CCDC175: variants seen among roughly 807,000 people sequenced by gnomAD.
The protein encoded by CCDC175 is coiled-coil domain-containing protein 175.
In CCDC175, 100 loss-of-function variants were observed where a neutral mutation model predicts 114.6. The observed-to-expected ratio is 0.87, with a 90% CI of 0.74 to 1.03. The LOEUF is 1.03. Ranked by LOEUF, CCDC175 falls within the 50% of genes least tolerant of loss-of-function variation. The pLI, the probability that CCDC175 is intolerant of heterozygous loss-of-function variation, is 0.00. For missense variants in CCDC175, 880 were observed against 917.8 expected (o/e 0.96, Z 0.53); for synonymous variants, 306 against 308.7 (o/e 0.99, Z 0.09).
chr14:59,544,509 TG>T (rs1894985336), intron 9 of CCDC175, among the ~76,000 whole-genome samples: 1 of 152,184 alleles, frequency 6.6e-6, no homozygotes, highest in African/African-American at 2.4e-5. Flanking sequence ...TCCAAACTGC[TG>T]TGGACTGAAT....
chr14:59,576,750 C>T lies in CCDC175; in HGVS notation c.26G>A (p.Gly9Glu), dbSNP rs561898522. The stretch of plus-strand genomic sequence containing the variant: ...CACCAGCTTCTCGCCAGCGCCCAGC[C>T]CTGGGGTCCAGGGGCTCAGGGCCAT... MALSPWTP[G>E]LGAGEKLVQA... Residue 9 changes from glycine to glutamate, a missense_variant, in exon 1 of 20, where the codon GGG (glycine) becomes GAG (glutamate). Coordinates refer to ENST00000537690, the MANE Select transcript of CCDC175 (RefSeq NM_001164399.2). The T allele has an allele frequency of 1.1e-5, 16 of 1,470,220 alleles. No individual in the cohort carries two copies. Among genetic ancestry groups the T allele is most frequent in the South Asian group, 5.3e-5 (4 of 75,308 alleles). 91.1% of individuals were successfully genotyped at this position (1,470,220 alleles called of 1,614,324 possible).
Position 59,545,288 on chromosome 14 carries a change from T to G in CCDC175, c.1047A>C (p.Thr349=). The change falls in exon 9 of 20, where the codon ACA becomes ACC. Residue 349 remains threonine, a synonymous_variant. Coordinates refer to ENST00000537690, the MANE Select transcript of CCDC175 (RefSeq NM_001164399.2). ...TGTATTCCATACGAGCAGCATGCAG[T>G]GTTTCAACCAGCTAGAGAAAAACAA... ...FLNKIKQLVE[T]LHAARMEYKD... is the part of the protein sequence containing the mutation. 1 of 1,536,612 alleles carries G rather than the reference T, an allele frequency of 6.5e-7. No individual in the cohort carries two copies. Among genetic ancestry groups the G allele is most frequent in the Non-Finnish European group, 8.7e-7 (1 of 1,146,646 alleles).
rs1893433451 is a variant in CCDC175 at position 59,521,608 on chromosome 14, T to C, written c.2064A>G (p.Ser688=). The C allele has an allele frequency of 6.5e-7, 1 of 1,534,268 alleles. No individual in the cohort carries two copies. The highest frequency in any genetic ancestry group is 2.0e-5 in the Admixed American group (1 of 50,972). Residue 688 remains serine, a synonymous_variant, in exon 17 of 20, where the codon TCA becomes TCG. Coordinates refer to ENST00000537690, the MANE Select transcript of CCDC175 (RefSeq NM_001164399.2). ...REGQEALMHT[S]SDLSRQLIAQ... ...CTATTAGTTGCCGAGACAAGTCGCT[T>C]GAGGTGTGCATGAGGGCTTCTTGTC...
At chr14:59,553,451 G>A (rs376498181) in intron 7 of CCDC175, among the ~76,000 whole-genome samples, 1 of 152,196 alleles carries the variant, frequency 6.6e-6, no homozygotes, top group East Asian at 1.9e-4. Flanking sequence ...CCCTACAAGA[G>A]CTCTTGAAGG....
rs771535932 is a variant in CCDC175 at position 59,568,249 on chromosome 14, G to C, written c.487C>G (p.Leu163Val). The C allele has an allele frequency of 1.3e-6, 2 of 1,528,060 alleles. No individual in the cohort carries two copies. Among genetic ancestry groups the C allele is most frequent in the Non-Finnish European group, 1.7e-6 (2 of 1,144,726 alleles). 94.7% of individuals were successfully genotyped at this position (1,528,060 alleles called of 1,614,324 possible). ...ACTGAATATAAGAATACCTACCCCA[G>C]AGCTTCATTATATTTTGTCAGGTCA... ...ITDLTKYNEALGEKQEELARK... is the reference protein window; with the variant it reads ...ITDLTKYNEAVGEKQEELARK... Residue 163 changes from leucine to valine, a missense_variant, in exon 4 of 20, where the codon CTG (leucine) becomes GTG (valine). Physicochemically the swap from Leu to Val is conservative, Grantham distance 32 (BLOSUM62 1). Coordinates refer to ENST00000537690, the MANE Select transcript of CCDC175 (RefSeq NM_001164399.2).
chr14:59,540,852 G>A (rs1894742446), intron 10 of CCDC175, 106 bp from the exon 11 acceptor site: 1 of 953,106 alleles, frequency 1.0e-6, no homozygotes. Context: ...AGTCTAATTG[G>A]GAGACAAAAT....
At chr14:59,552,890 T>C (rs979996619) in intron 7 of CCDC175, among the ~76,000 whole-genome samples, 15 of 152,018 alleles carry the variant, frequency 9.9e-5, no homozygotes, top group South Asian at 4.1e-4. Context: ...ATGAATGAAA[T>C]GAAGCGAGAA....
chr14:59,537,963 A>T, intron 13 of CCDC175, 60 bp downstream of exon 13: 160 of 615,180 alleles, frequency 2.6e-4, no homozygotes, highest in Non-Finnish European at 3.7e-4. Context: ...ATGAAATATT[A>T]TTCCCCCTCC....
intron 6 of CCDC175, among the ~76,000 whole-genome samples, chr14:59,562,246 G>A (rs1287726296): frequency 6.6e-6 from 1 of 152,122 alleles, no homozygotes; most frequent in East Asian, 1.9e-4. Context: ...CCGCCTTAAG[G>A]GTCACATGCT....
chr14:59,538,356 A>G (rs12586723), intron 12 of CCDC175, among the ~76,000 whole-genome samples: 88,706 of 151,932 alleles, frequency 0.58, 26,816 homozygotes, highest in East Asian at 0.83. Context: ...TAAATATGAC[A>G]TGAGGAGTGG....
chr14:59,533,219 G>T (rs1367581696), intron 13 of CCDC175, among the ~76,000 whole-genome samples: 1 of 152,094 alleles, frequency 6.6e-6, no homozygotes, highest in Non-Finnish European at 1.5e-5. Flanking sequence ...ATTTCAAAGG[G>T]CATACCCACT....
intron 17 of CCDC175, among the ~76,000 whole-genome samples, chr14:59,519,256 T>A (rs1052482571): frequency 6.6e-6 from 1 of 152,076 alleles, no homozygotes; most frequent in East Asian, 1.9e-4. Context: ...ACATGGCACA[T>A]GTATACATAT....
chr14:59,523,174 G>C (rs1893522258), intron 16 of CCDC175, among the ~76,000 whole-genome samples: 1 of 152,186 alleles, frequency 6.6e-6, no homozygotes, highest in African/African-American at 2.4e-5. Context: ...TATCTTGATA[G>C]GAAGACAGTC....
At position 59,574,398 on chromosome 14, in the gene CCDC175, A is replaced by AAT. The variant is rs553123235; in HGVS notation, c.243+543_243+544dup. Among the ~76,000 whole-genome samples, 420 of 152,332 alleles carry AAT rather than the reference A, an allele frequency of 2.8e-3. 4 individuals are homozygous for AAT. The highest frequency in any genetic ancestry group is 9.8e-3 in the African/African-American group (407 of 41,576). ...TGACACCTCAGAAGGAAATTCTTTA[A>AAT]ATATTTCTTCAACATGTCTTTGATA... On this transcript the variant is annotated intron_variant, in intron 2 of 19. Transcript: ENST00000537690.
chr14:59,545,032 G>T, intron 9 of CCDC175, 131 bp downstream of exon 9: 1 of 920,118 alleles, frequency 1.1e-6, no homozygotes. Flanking sequence ...AGTAATGATA[G>T]CAAATGTTTT....
At chr14:59,533,225 C>T (rs527485999) in intron 13 of CCDC175, among the ~76,000 whole-genome samples, 1 of 152,250 alleles carries the variant, frequency 6.6e-6, no homozygotes, top group Admixed American at 6.5e-5. Flanking sequence ...AAGGGCATAC[C>T]CACTTAAGAG....
chr14:59,521,685 T>C lies in CCDC175; in HGVS notation c.1996-9A>G. ...TTCAAGTATAAAATATACTGAAAAT[T>C]AAAAGCATGTGATTGCTTTTAGCAG... On this transcript the variant is annotated splice_polypyrimidine_tract_variant and intron_variant, in intron 16 of 19. Coordinates refer to ENST00000537690, the MANE Select transcript of CCDC175 (RefSeq NM_001164399.2). 1 of 1,406,064 alleles carries C rather than the reference T, an allele frequency of 7.1e-7. No homozygotes were observed. Among genetic ancestry groups the C allele is most frequent in the Non-Finnish European group, 9.7e-7 (1 of 1,028,456 alleles). The allele number at this position is 1,406,064 out of a possible 1,614,324, so 87.1% of individuals were successfully genotyped here.
At chr14:59,553,879 T>C (rs536764696) in intron 7 of CCDC175, among the ~76,000 whole-genome samples, 20 of 152,298 alleles carry the variant, frequency 1.3e-4, no homozygotes, top group Admixed American at 1.2e-3. Flanking sequence ...GGCCATTACA[T>C]AATGGTAAAG....
At chr14:59,528,783 C>T (rs1285243267) in intron 14 of CCDC175, among the ~76,000 whole-genome samples, 2 of 151,984 alleles carry the variant, frequency 1.3e-5, no homozygotes, top group Non-Finnish European at 2.9e-5. Context: ...TCTATTTTTA[C>T]AGAGATTTTC....
Sources: gnomAD v4.1 joint callset for allele counts (sites outside exome capture counted in the v4.1 genomes callset) on GRCh38, gnomAD v4.1.1 for gene constraint, MANE v1.5 for transcripts, NCBI Gene and HGNC (gene_info 2026-07-23, HGNC 2026-07-21) for gene names.